COLEC12: variants seen among roughly 807,000 people sequenced by gnomAD.
The protein encoded by COLEC12 is collectin subfamily member 12.
A neutral mutation model predicts 71.1 loss-of-function variants in COLEC12; 33 were observed. The observed-to-expected ratio is 0.46, with a 90% CI of 0.35 to 0.62. The LOEUF (loss-of-function observed/expected upper bound fraction) is 0.62, where lower values mean the gene tolerates loss of function less well. Among genes scored for constraint, COLEC12 ranks in the 20% least tolerant of loss-of-function variants. The pLI is 0.00. For missense variants in COLEC12, 765 were observed against 916.1 expected, an observed-to-expected ratio of 0.84 and a Z score of 2.13; for synonymous variants, 350 against 353.0, an observed-to-expected ratio of 0.99 and a Z score of 0.10.
At chr18:486,834 T>C (rs1309025789) in intron 1 of COLEC12, among the ~76,000 whole-genome samples, 1 of 152,194 alleles carries the variant, frequency 6.6e-6, no homozygotes, top group African/African-American at 2.4e-5. Flanking sequence ...TTGGCAAAGA[T>C]AGGGAGAAAT....
chr18:402,777 T>C (rs1003368334), intron 2 of COLEC12, among the ~76,000 whole-genome samples: 7 of 151,676 alleles, frequency 4.6e-5, no homozygotes, highest in South Asian at 2.1e-4. Flanking sequence ...AGGAAGTACA[T>C]AAAATTGGGC....
intron 5 of COLEC12, among the ~76,000 whole-genome samples, chr18:337,483 A>ATC (rs78800395): frequency 6.6e-6 from 1 of 152,210 alleles, no homozygotes; most frequent in East Asian, 1.9e-4. Context: ...GGCTACCCAT[A>ATC]TCTTGCTCAC....
chr18:351,964 G>A (rs1315567234), intron 3 of COLEC12, among the ~76,000 whole-genome samples: 1 of 152,180 alleles, frequency 6.6e-6, no homozygotes, highest in Non-Finnish European at 1.5e-5. Flanking sequence ...ACAGGAATGA[G>A]GGATTTATTT....
At chr18:441,231 G>C (rs934745975) in intron 2 of COLEC12, among the ~76,000 whole-genome samples, 1 of 151,648 alleles carries the variant, frequency 6.6e-6, no homozygotes, top group Non-Finnish European at 1.5e-5. Context: ...CTGGGCGACA[G>C]AGCGAGACTC....
chr18:323,233 CAT>C (rs377764813), intron 8 of COLEC12, among the ~76,000 whole-genome samples: 259 of 151,550 alleles, frequency 1.7e-3, no homozygotes, highest in African/African-American at 6.1e-3. Flanking sequence ...CTCAAAAATA[CAT>C]ATATATATAT....
chr18:335,026 CGGGAGCCTTTGGGGCCCT>C lies in COLEC12; in HGVS notation c.1514_1531del (p.Gln505_Ser510del), dbSNP rs747935962. 1 of 1,592,230 alleles carries C rather than the reference CGGGAGCCTTTGGGGCCCT, an allele frequency of 6.3e-7. No individual in the cohort carries two copies. Among genetic ancestry groups the C allele is most frequent in the Non-Finnish European group, 8.5e-7 (1 of 1,172,934 alleles). On this transcript the variant is annotated inframe_deletion, in exon 6 of 10. Coordinates refer to ENST00000400256, the MANE Select transcript of COLEC12 (RefSeq NM_130386.3). ...AGGGCCGGGCTTCCCAGGGGAACCA[CGGGAGCCTTTGGGGCCCT>C]GGGAGCCTTTAGATCCTTTGCCGCC...
intron 2 of COLEC12, among the ~76,000 whole-genome samples, chr18:456,899 T>C (rs552529348): frequency 6.6e-6 from 1 of 152,280 alleles, no homozygotes; most frequent in Admixed American, 6.5e-5. Flanking sequence ...GGAATGCCTA[T>C]ATACCTGAGG....
At chr18:476,086 C>G (rs1352369102) in intron 2 of COLEC12, among the ~76,000 whole-genome samples, 1 of 152,210 alleles carries the variant, frequency 6.6e-6, no homozygotes, top group Non-Finnish European at 1.5e-5. Flanking sequence ...ATAAACAAAA[C>G]TATTCAAGGA....
At chr18:328,710 G>C (rs1236410571) in intron 8 of COLEC12, among the ~76,000 whole-genome samples, 2 of 152,144 alleles carry the variant, frequency 1.3e-5, no homozygotes, top group African/African-American at 4.8e-5. Context: ...GGGACATGGA[G>C]GTTTTGCAGA....
At chr18:389,208 GACAC>G (rs145389624) in intron 2 of COLEC12, among the ~76,000 whole-genome samples, 3 of 149,210 alleles carry the variant, frequency 2.0e-5, no homozygotes, top group Non-Finnish European at 4.5e-5. Flanking sequence ...CACACACACA[GACAC>G]ACACACACAC....
intron 2 of COLEC12, among the ~76,000 whole-genome samples, chr18:437,846 G>C (rs558767084): frequency 6.6e-6 from 1 of 152,150 alleles, no homozygotes; most frequent in Non-Finnish European, 1.5e-5. Flanking sequence ...GCTACAAATT[G>C]TGTAAAAAAA....
At chr18:420,720 AT>A in intron 2 of COLEC12, among the ~76,000 whole-genome samples, 1 of 152,244 alleles carries the variant, frequency 6.6e-6, no homozygotes, top group African/African-American at 2.4e-5. Context: ...TATATTTCTT[AT>A]TTTTTGTATA....
At chr18:374,516 A>G (rs1193282467) in intron 2 of COLEC12, among the ~76,000 whole-genome samples, 1 of 152,146 alleles carries the variant, frequency 6.6e-6, no homozygotes, top group Non-Finnish European at 1.5e-5. Flanking sequence ...ATTTCAGGAG[A>G]TCCATGGGCT....
At chr18:483,048 T>A (rs1478117091) in intron 1 of COLEC12, among the ~76,000 whole-genome samples, 1 of 152,234 alleles carries the variant, frequency 6.6e-6, no homozygotes, top group Admixed American at 6.5e-5. Flanking sequence ...ATGTATGCTA[T>A]CTATAAACAC....
In COLEC12 at chr18:357,353, T is replaced by C. The variant is rs561999552; in HGVS notation, c.181+47A>G. The C allele has an allele frequency of 3.2e-6, 5 of 1,550,528 alleles. No homozygotes were observed. In the Admixed American group the frequency reaches 6.5e-5, roughly 20 times the overall value. On this transcript the variant is annotated intron_variant, in intron 3 of 9. Coordinates refer to ENST00000400256, the MANE Select transcript of COLEC12 (RefSeq NM_130386.3). ...ATGAGTTTTCTCATGCTTAAATTAATGAAGGAACACTTGTTATTTGGAAGA... is the reference window on the plus strand; with the variant it reads ...ATGAGTTTTCTCATGCTTAAATTAACGAAGGAACACTTGTTATTTGGAAGA...
intron 2 of COLEC12, among the ~76,000 whole-genome samples, chr18:385,394 G>A (rs188560138): frequency 6.2e-5 from 9 of 144,592 alleles, no homozygotes; most frequent in Non-Finnish European, 8.9e-5. Flanking sequence ...GTGCGATCTC[G>A]GCTCACTGCA....
chr18:460,592 A>G (rs1916963486), intron 2 of COLEC12, among the ~76,000 whole-genome samples: 1 of 152,198 alleles, frequency 6.6e-6, no homozygotes. Flanking sequence ...GACAGTTGCT[A>G]AGTATGTTAT....
At chr18:344,148 C>T (rs1262918503) in intron 5 of COLEC12, among the ~76,000 whole-genome samples, 1 of 152,070 alleles carries the variant, frequency 6.6e-6, no homozygotes, top group East Asian at 1.9e-4. Flanking sequence ...ATTTGAAGGG[C>T]TACCCCTTTT....
chr18:400,667 C>G (rs1449053264), intron 2 of COLEC12, among the ~76,000 whole-genome samples: 1 of 152,174 alleles, frequency 6.6e-6, no homozygotes, highest in Admixed American at 6.5e-5. Flanking sequence ...TCCTGCAACT[C>G]ATACTTGAAT....
Sources: allele counts gnomAD v4.1 joint callset (sites outside exome capture counted in the v4.1 genomes callset), GRCh38; gene constraint gnomAD v4.1.1; transcripts MANE v1.5; gene names NCBI Gene and HGNC (gene_info 2026-07-23, HGNC 2026-07-21).